The following DST variants were observed in gnomAD, a reference collection of about 807,000 sequenced individuals.
The protein encoded by DST is dystonin, also known as bullous pemphigoid antigen.
In DST, 253 loss-of-function variants were observed where a neutral mutation model predicts 875.2. The observed-to-expected ratio is 0.29, with a 90% CI of 0.26 to 0.32. The LOEUF (loss-of-function observed/expected upper bound fraction) is 0.32. Among genes scored for constraint, DST ranks in the 10% least tolerant of loss-of-function variants. DST has a pLI of 1.00. For missense variants in DST, 8,287 were observed against 9,111.6 expected (o/e 0.91, Z 3.68); for synonymous variants, 3,124 against 3,197.1 (o/e 0.98, Z 0.77).
At chr6:56,815,343 G>A (rs552693311) in intron 4 of DST, among the ~76,000 whole-genome samples, 18 of 146,508 alleles carry the variant, frequency 1.2e-4, no homozygotes, top group African/African-American at 4.3e-4. Flanking sequence ...GTCACACCAA[G>A]GTATACGTAT....
intron 49 of DST, among the ~76,000 whole-genome samples, chr6:56,587,548 G>A (rs1253757733): frequency 6.6e-6 from 1 of 151,990 alleles, no homozygotes; most frequent in Non-Finnish European, 1.5e-5. Flanking sequence ...TCAGATTCAG[G>A]AAATACAGAG....
chr6:56,813,628 T>C (rs1354157313), intron 4 of DST, among the ~76,000 whole-genome samples: 1 of 152,082 alleles, frequency 6.6e-6, no homozygotes, highest in African/African-American at 2.4e-5. Context: ...GCAATTGAAA[T>C]ATAAATTTGA....
At chr6:56,791,553 G>A (rs753182466) in intron 4 of DST, among the ~76,000 whole-genome samples, 42 of 152,222 alleles carry the variant, frequency 2.8e-4, no homozygotes, top group African/African-American at 7.5e-4. Context: ...TTGGGAGGCC[G>A]AGGTGGGAGG....
chr6:56,532,510 G>C lies in DST; in HGVS notation c.16942C>G (p.Leu5648Val). 6.3e-7 allele frequency: 1 copy of C among 1,582,390 alleles called. No individual in the cohort carries two copies. The highest frequency in any genetic ancestry group is 8.6e-7 in the Non-Finnish European group (1 of 1,164,556). ...VVKAQIQEQK[L>V]LQRLLDDRKS... ...CGGTCATCCAACAATCTCTGGAGAA[G>C]CTTGAGACAAAACATTAAATATAAA... The change falls in exon 64 of 104, where the codon CTT becomes GTT. Residue 5648 changes from leucine to valine, a missense_variant and splice_region_variant. Coordinates refer to ENST00000680361, the MANE Select transcript of DST (RefSeq NM_001374736.1).
intron 4 of DST, among the ~76,000 whole-genome samples, chr6:56,770,844 T>C (rs2099656115): frequency 6.6e-6 from 1 of 151,746 alleles, no homozygotes; most frequent in African/African-American, 2.4e-5. Flanking sequence ...CTACTAAAAA[T>C]CCAAAATTAC....
chr6:56,535,619 G>A (rs1420493787), intron 62 of DST, among the ~76,000 whole-genome samples: 1 of 152,134 alleles, frequency 6.6e-6, no homozygotes, highest in Non-Finnish European at 1.5e-5. Context: ...CAGCACATTA[G>A]TCATTTTTAT....
intron 10 of DST, among the ~76,000 whole-genome samples, chr6:56,651,709 A>T (rs1440695464): frequency 6.6e-6 from 1 of 152,152 alleles, no homozygotes; most frequent in Non-Finnish European, 1.5e-5. Flanking sequence ...CATTCTTCCA[A>T]GGAGAGATCA....
At chr6:56,729,868 A>G (rs1362128423) in intron 5 of DST, among the ~76,000 whole-genome samples, 1 of 152,186 alleles carries the variant, frequency 6.6e-6, no homozygotes, top group Admixed American at 6.5e-5. Flanking sequence ...CTGCGCCATG[A>G]GTAAATTAAG....
rs1793596701 is a variant in DST at position 56,900,595 on chromosome 6, A to G, written c.243T>C (p.Leu81=). The change falls in exon 3 of 104, where the codon CTT becomes CTC. Residue 81 remains leucine (L), a synonymous_variant. Transcript: ENST00000680361. ...SEGFRASPRH[L]RRRVAAAAAA... ...CTGCGGCCGCTGCAACTCGTCTTCTAAGATGCCGAGGGCTTGCTCTGAATC... is the reference window on the plus strand; with the variant it reads ...CTGCGGCCGCTGCAACTCGTCTTCTGAGATGCCGAGGGCTTGCTCTGAATC... The G allele has an allele frequency of 7.3e-7, 1 of 1,367,544 alleles. No homozygotes were observed. The allele number at this position is 1,367,544 out of a possible 1,614,324, so 84.7% of individuals were successfully genotyped here. A position where few individuals can be genotyped will look rare whatever the true frequency, so the allele number is the denominator to read the frequency against.
chr6:56,886,390 C>T (rs896788615), intron 3 of DST, among the ~76,000 whole-genome samples: 1 of 152,190 alleles, frequency 6.6e-6, no homozygotes, highest in Non-Finnish European at 1.5e-5. Flanking sequence ...ATACCCAACA[C>T]ACAGGGTGTT....
At chr6:56,868,254 T>C (rs13190784) in intron 3 of DST, among the ~76,000 whole-genome samples, 37,790 of 152,074 alleles carry the variant, frequency 0.25, 6,279 homozygotes, top group African/African-American at 0.47. Flanking sequence ...TGAGGTCTTG[T>C]TTCCAATCGT....
chr6:56,841,842 T>TACACACACACACAC (rs113928816), intron 4 of DST, among the ~76,000 whole-genome samples: 1 of 150,140 alleles, frequency 6.7e-6, no homozygotes, highest in East Asian at 1.9e-4. Flanking sequence ...CCCACCCACA[T>TACACACACACACAC]ACACACACAC....
At chr6:56,481,716 T>G (rs565147829) in intron 90 of DST, among the ~76,000 whole-genome samples, 12 of 152,344 alleles carry the variant, frequency 7.9e-5, no homozygotes, top group African/African-American at 2.9e-4. Flanking sequence ...GTTTTATTTT[T>G]GAAATCCACA....
intron 9 of DST, among the ~76,000 whole-genome samples, chr6:56,683,129 T>A (rs1351398866): frequency 6.6e-6 from 1 of 152,214 alleles, no homozygotes; most frequent in East Asian, 1.9e-4. Flanking sequence ...CTAAGATTGA[T>A]TTCTGTAGGA....
In DST at chr6:56,553,181, G is replaced by T. The variant is rs531201352; in HGVS notation, c.15611C>A (p.Ser5204Tyr). 2.5e-6 allele frequency: 4 copies of T among 1,613,946 alleles called. No homozygotes were observed. In the African/African-American group the frequency reaches 4.0e-5, roughly 16 times the overall value. ...FCLDPAEGEN[S>Y]IAKLKSLQKE... ...CTGCAGAGACTTTAACTTGGCAATA[G>T]AATTCTCTCCTTCAGCAGGATCCAA... is the stretch of plus-strand genomic sequence containing the variant. The change falls in exon 61 of 104, where the codon TCT (serine) becomes TAT (tyrosine). Residue 5204 changes from serine to tyrosine, a missense_variant. Transcript: ENST00000680361.
intron 3 of DST, among the ~76,000 whole-genome samples, chr6:56,874,852 A>C (rs1778940467): frequency 6.6e-6 from 1 of 152,238 alleles, no homozygotes; most frequent in South Asian, 2.1e-4. Context: ...TCCCTTTCTC[A>C]GCCACCTAAA....
At chr6:56,581,899 C>T (rs11964442) in intron 49 of DST, among the ~76,000 whole-genome samples, 4,319 of 152,288 alleles carry the variant, frequency 0.028, 209 homozygotes, top group African/African-American at 0.098. Flanking sequence ...GTATATCTAA[C>T]TACCCAAATA....
intron 3 of DST, among the ~76,000 whole-genome samples, chr6:56,860,677 A>C (rs1185031372): frequency 6.6e-6 from 1 of 152,214 alleles, no homozygotes; most frequent in African/African-American, 2.4e-5. Context: ...TTTAGCTATT[A>C]GGTGATGTTG....
chr6:56,519,357 T>TG (rs2096652663), intron 69 of DST, among the ~76,000 whole-genome samples: 1 of 151,998 alleles, frequency 6.6e-6, no homozygotes, highest in South Asian at 2.1e-4. Context: ...AAAGGACAAA[T>TG]GGGGGGCCTA....
Sources: gnomAD v4.1 joint callset for allele counts (sites outside exome capture counted in the v4.1 genomes callset) on GRCh38, gnomAD v4.1.1 for gene constraint, MANE v1.5 for transcripts, NCBI Gene and HGNC (gene_info 2026-07-23, HGNC 2026-07-21) for gene names.